The following YAE1 variants were observed in gnomAD, a reference collection of about 807,000 sequenced individuals.
YAE1 encodes the protein protein YAE1 homolog.
YAE1 carries 22 observed loss-of-function variants against 23.0 expected under a neutral mutation model. The ratio of observed to expected loss-of-function variants is 0.96; its 90% CI spans 0.68 to 1.37. The LOEUF is 1.37. Among genes scored for constraint, YAE1 ranks in the 40% most tolerant of loss-of-function variants. YAE1 has a pLI of 0.00. For synonymous variants in YAE1, 101 were observed against 97.0 expected (o/e 1.04, Z -0.24); for missense variants, 260 against 262.1 (o/e 0.99, Z 0.06).
chr7:39,601,568 T>G (rs905021156), intron 2 of YAE1, among the ~76,000 whole-genome samples: 1 of 152,088 alleles, frequency 6.6e-6, no homozygotes, highest in Non-Finnish European at 1.5e-5. Context: ...GAGATCAGCT[T>G]GGCCAACATG....
At chr7:39,589,089 T>A (rs996835723) in intron 2 of YAE1, among the ~76,000 whole-genome samples, 1 of 152,182 alleles carries the variant, frequency 6.6e-6, no homozygotes, top group Admixed American at 6.5e-5. Context: ...CCCAAAGTGC[T>A]GGGATTACAG....
chr7:39,583,744 G>A (rs373817723), intron 2 of YAE1, among the ~76,000 whole-genome samples: 2 of 152,040 alleles, frequency 1.3e-5, no homozygotes, highest in East Asian at 1.9e-4. Flanking sequence ...CATTGTTTCT[G>A]TGGGGATTAC....
At chr7:39,604,546 G>A (rs1020088794) in intron 2 of YAE1, among the ~76,000 whole-genome samples, 6 of 152,174 alleles carry the variant, frequency 3.9e-5, no homozygotes, top group Non-Finnish European at 8.8e-5. Context: ...ATATATATAT[G>A]TGAAATATTG....
At chr7:39,585,467 A>C (rs1790801383) in intron 2 of YAE1, among the ~76,000 whole-genome samples, 1 of 152,172 alleles carries the variant, frequency 6.6e-6, no homozygotes. Context: ...TCTGCAAGCC[A>C]AGGAGAGGGG....
intron 2 of YAE1, among the ~76,000 whole-genome samples, chr7:39,587,032 C>CTCTTTA (rs1790829255): frequency 1.3e-5 from 2 of 151,510 alleles, no homozygotes; most frequent in Admixed American, 1.3e-4. Flanking sequence ...CTTTCTCTTT[C>CTCTTTA]TCTTTCTTTC....
chr7:39,607,093 T>C (rs552971286), intron 2 of YAE1, among the ~76,000 whole-genome samples: 1 of 152,348 alleles, frequency 6.6e-6, no homozygotes, highest in African/African-American at 2.4e-5. Flanking sequence ...CTATACTGTC[T>C]TCAGTGCTTT....
chr7:39,569,932 C>T, intron 1 of YAE1: 1 of 1,314,896 alleles, frequency 7.6e-7, no homozygotes, highest in East Asian at 2.3e-5. Context: ...CCAGTCAGTC[C>T]TGGCTGCTCT....
intron 2 of YAE1, among the ~76,000 whole-genome samples, chr7:39,578,614 A>T (rs1790693640): frequency 6.6e-6 from 1 of 152,090 alleles, no homozygotes. Flanking sequence ...TGCAACACTC[A>T]CCGCGAAGGT....
rs138980858 is a variant in YAE1, at chr7:39,572,455, C to T, written c.430C>T (p.His144Tyr). The stretch of plus-strand genomic sequence containing the variant: ...CTCCATTGAGGATATGGACCTTTGT[C>T]ATGTAGTTCCAGCTGAGAAAAAGAT... ...LDSIEDMDLCHVVPAEKKIDE... is the reference protein window; with the variant it reads ...LDSIEDMDLCYVVPAEKKIDE... The change falls in exon 3 of 3, where the codon CAT becomes TAT. Residue 144 changes from histidine (H) to tyrosine (Y), a missense_variant. His to Tyr is a moderately conservative substitution (Grantham distance 83). Coordinates refer to ENST00000223273, the MANE Select transcript of YAE1 (RefSeq NM_020192.5). 8 of 1,614,106 alleles carry T rather than the reference C, an allele frequency of 5.0e-6. No individual in the cohort carries two copies. The African/African-American group carries it at 1.1e-4, about 22-fold the overall frequency.
downstream of YAE1, among the ~76,000 whole-genome samples, chr7:39,575,537 G>GGAGAGAGAGA (rs56954676): frequency 2.4e-3 from 309 of 131,216 alleles, 1 homozygote; most frequent in African/African-American, 3.5e-3. Flanking sequence ...CTAAGATACA[G>GGAGAGAGAGA]GAGAGAGAGA....
rs535678430 is a variant in YAE1 at position 39,570,262 on chromosome 7, G to A, written c.130-244G>A. The A allele has an allele frequency of 1.1e-5, 7 of 637,678 alleles. No individual in the cohort carries two copies. The East Asian group carries it at 2.0e-4, about 18-fold the overall frequency. 39.5% of individuals were successfully genotyped at this position (637,678 alleles called of 1,614,324 possible). ...CAACACTAGGTTTTTTAAAAACTGT[G>A]ACTATCAGTGTTTTAAAAATTGCCC... On this transcript the variant is annotated intron_variant, in intron 1 of 2. Coordinates refer to ENST00000223273, the MANE Select transcript of YAE1 (RefSeq NM_020192.5).
chr7:39,571,814 T>A (rs1790571914), intron 2 of YAE1, among the ~76,000 whole-genome samples: 1 of 152,178 alleles, frequency 6.6e-6, no homozygotes, highest in Middle Eastern at 3.2e-3. Context: ...CTTGAAAACT[T>A]CTTTTCTCTA....
intron 2 of YAE1, among the ~76,000 whole-genome samples, chr7:39,587,182 A>C (rs1311836084): frequency 6.6e-6 from 1 of 151,942 alleles, no homozygotes; most frequent in Non-Finnish European, 1.5e-5. Flanking sequence ...TCAGCGTCCC[A>C]AGCAGCTGTT....
At chr7:39,597,992 T>G (rs1157455442) in intron 2 of YAE1, among the ~76,000 whole-genome samples, 2 of 152,114 alleles carry the variant, frequency 1.3e-5, no homozygotes, top group African/African-American at 4.8e-5. Context: ...TTTTATTAAA[T>G]AGGGACAGGG....
chr7:39,567,975 C>A (rs1184175546), intron 1 of YAE1, among the ~76,000 whole-genome samples: 1 of 152,054 alleles, frequency 6.6e-6, no homozygotes, highest in Non-Finnish European at 1.5e-5. Flanking sequence ...TTGATTTCTA[C>A]CTGTAAGATA....
At chr7:39,573,138 TATAG>T (rs1438386102), downstream of YAE1, among the ~76,000 whole-genome samples, 1 of 152,214 alleles carries the variant, frequency 6.6e-6, no homozygotes, top group Middle Eastern at 3.4e-3. Flanking sequence ...CAGACAGATA[TATAG>T]ATATAGATAT....
Position 39,603,211 on chromosome 7 carries a change from G to A in YAE1, c.252-6406G>A, listed in dbSNP as rs113393478. On this transcript the variant is annotated intron_variant, in intron 2 of 2. Coordinates refer to the YAE1 transcript ENST00000432096. Reference sequence around the variant, plus strand: ...GTCACCCAGGCTGGAGTGCAGTGGCGCGATCTCGGCTCCACCTGCAGGGTT... The same window carrying A: ...GTCACCCAGGCTGGAGTGCAGTGGCACGATCTCGGCTCCACCTGCAGGGTT... Among the ~76,000 whole-genome samples, 290 of 151,996 alleles carry A rather than the reference G, an allele frequency of 1.9e-3. 4 individuals carry two copies. The highest frequency in any genetic ancestry group is 1.8e-3 in the Non-Finnish European group (119 of 67,958).
intron 2 of YAE1, among the ~76,000 whole-genome samples, chr7:39,580,037 C>A (rs1340342860): frequency 3.3e-5 from 5 of 151,822 alleles, no homozygotes; most frequent in Non-Finnish European, 5.9e-5. Flanking sequence ...AGAGTGAGAC[C>A]CTGTGTCTAA....
chr7:39,608,266 G>C (rs1204820361), intron 2 of YAE1, among the ~76,000 whole-genome samples: 1 of 152,090 alleles, frequency 6.6e-6, no homozygotes, highest in Non-Finnish European at 1.5e-5. Flanking sequence ...TTTATTTAAC[G>C]CCTATAAAAT....
Sources: allele counts gnomAD v4.1 joint callset (sites outside exome capture counted in the v4.1 genomes callset), GRCh38; gene constraint gnomAD v4.1.1; transcripts MANE v1.5; gene names NCBI Gene and HGNC (gene_info 2026-07-23, HGNC 2026-07-21).